Variants in MAN1A2 observed in about 807,000 individuals in gnomAD.
The protein encoded by MAN1A2 is mannosyl-oligosaccharide 1,2-alpha-mannosidase IB.
A neutral mutation model predicts 75.7 loss-of-function variants in MAN1A2; 26 were observed. That is an observed-to-expected ratio of 0.34 (90% confidence interval 0.25 to 0.48). The LOEUF (loss-of-function observed/expected upper bound fraction) is 0.48. MAN1A2 is among the 20% of genes least tolerant of loss of function. The pLI is 0.99. For synonymous variants in MAN1A2, 247 were observed against 264.6 expected (o/e 0.93, Z 0.65); for missense variants, 562 against 775.5 (o/e 0.72, Z 3.27).
At chr1:117,438,121 A>G (rs1048107355) in intron 5 of MAN1A2, among the ~76,000 whole-genome samples, 1 of 152,228 alleles carries the variant, frequency 6.6e-6, no homozygotes, top group African/African-American at 2.4e-5. Flanking sequence ...TCAGTCAACA[A>G]TGGATATGTT....
intron 6 of MAN1A2, among the ~76,000 whole-genome samples, chr1:117,452,359 A>G (rs919713808): frequency 6.6e-6 from 1 of 152,148 alleles, no homozygotes; most frequent in Admixed American, 6.6e-5. Context: ...AGGCATGTGA[A>G]GTAATTAAGC....
intron 1 of MAN1A2, among the ~76,000 whole-genome samples, chr1:117,396,002 C>G (rs993979992): frequency 6.6e-6 from 1 of 152,214 alleles, no homozygotes; most frequent in Non-Finnish European, 1.5e-5. Context: ...ACATGTTCTT[C>G]CAGCACCAAT....
chr1:117,429,258 G>A (rs899038981), intron 5 of MAN1A2, among the ~76,000 whole-genome samples: 22 of 141,500 alleles, frequency 1.6e-4, no homozygotes, highest in Non-Finnish European at 2.7e-4. Flanking sequence ...CACCTTTCCC[G>A]CCTTTCTATT....
chr1:117,446,669 AT>A (rs1375855849), intron 6 of MAN1A2, among the ~76,000 whole-genome samples: 1 of 151,696 alleles, frequency 6.6e-6, no homozygotes, highest in East Asian at 1.9e-4. Context: ...ATCCTTTCAA[AT>A]TTATTACAAC....
At chr1:117,443,832 A>G (rs1458566766) in intron 6 of MAN1A2, among the ~76,000 whole-genome samples, 1 of 152,038 alleles carries the variant, frequency 6.6e-6, no homozygotes, top group African/African-American at 2.4e-5. Context: ...CGGATCTCGA[A>G]TTCCTAGGCT....
At chr1:117,400,378 A>G (rs1647382390) in intron 1 of MAN1A2, among the ~76,000 whole-genome samples, 1 of 149,470 alleles carries the variant, frequency 6.7e-6, no homozygotes, top group Non-Finnish European at 1.5e-5. Flanking sequence ...ATAATATTAG[A>G]TTGTGAATTT....
chr1:117,465,024 T>G (rs1042801281), intron 7 of MAN1A2, among the ~76,000 whole-genome samples: 1 of 151,940 alleles, frequency 6.6e-6, no homozygotes, highest in African/African-American at 2.4e-5. Context: ...AGAGAAAACA[T>G]AGTAAAGCCT....
chr1:117,488,574 G>T (rs1485236321), intron 8 of MAN1A2, among the ~76,000 whole-genome samples: 1 of 152,024 alleles, frequency 6.6e-6, no homozygotes, highest in Non-Finnish European at 1.5e-5. Context: ...AAAAAATGGT[G>T]TCATTAGGTA....
intron 1 of MAN1A2, among the ~76,000 whole-genome samples, chr1:117,394,104 T>C (rs1653829492): frequency 6.6e-6 from 1 of 151,072 alleles, no homozygotes; most frequent in Admixed American, 6.6e-5. Flanking sequence ...TTTTTTGAGA[T>C]GGAGTCTTGC....
At chr1:117,460,684 A>T in intron 7 of MAN1A2, 72 bp downstream of exon 7, 38 of 1,483,198 alleles carry the variant, frequency 2.6e-5, no homozygotes, top group Non-Finnish European at 3.4e-5. Context: ...GATTTGATTA[A>T]TGCTTAAAAG....
At chr1:117,444,766 C>G (rs1328906700) in intron 6 of MAN1A2, among the ~76,000 whole-genome samples, 1 of 151,872 alleles carries the variant, frequency 6.6e-6, no homozygotes, top group Non-Finnish European at 1.5e-5. Flanking sequence ...ATTAATTCTC[C>G]TCTCTCTACT....
chr1:117,455,965 T>A (rs1293694700), intron 6 of MAN1A2, among the ~76,000 whole-genome samples: 1 of 152,014 alleles, frequency 6.6e-6, no homozygotes, highest in Non-Finnish European at 1.5e-5. Flanking sequence ...ACTTAAAAAA[T>A]TTTTAAAGCA....
At chr1:117,493,054 T>A in intron 8 of MAN1A2, 93 bp from the exon 9 acceptor site, 1 of 693,092 alleles carries the variant, frequency 1.4e-6, no homozygotes, top group Non-Finnish European at 2.6e-6. Flanking sequence ...ATTATTGACC[T>A]CTAACATAGT....
rs540454680 is a variant in MAN1A2 at position 117,394,557 on chromosome 1, CTCTTTTTCTCCATTCACTTTCTTCT to C, written c.303-7625_303-7601del. On this transcript the variant is annotated intron_variant, in intron 1 of 12. Transcript: ENST00000356554. ...TATCTTTTATTAGGTTGAAGAAGTT[CTCTTTTTCTCCATTCACTTTCTTCT>C]TCTGTTTCTACTGAATGAGTGTAAG... 1.8e-4 allele frequency among the ~76,000 whole-genome samples: 28 copies of C among 152,290 alleles called. No homozygotes were observed. In the South Asian group the frequency reaches 5.8e-3, roughly 32 times the overall value.
At chr1:117,468,986 A>G (rs1011700716) in intron 8 of MAN1A2, among the ~76,000 whole-genome samples, 1 of 152,172 alleles carries the variant, frequency 6.6e-6, no homozygotes, top group East Asian at 1.9e-4. Flanking sequence ...CCCATTTTCC[A>G]TGCCAGTATA....
chr1:117,386,936 CTG>C (rs1405271271), intron 1 of MAN1A2, among the ~76,000 whole-genome samples: 1 of 151,842 alleles, frequency 6.6e-6, no homozygotes, highest in African/African-American at 2.4e-5. Flanking sequence ...CAAACAAAAA[CTG>C]TGAAAAGGTG....
chr1:117,493,890 A>G (rs1650965680), intron 9 of MAN1A2: 1 of 152,114 alleles, frequency 6.6e-6, no homozygotes, highest in Non-Finnish European at 1.5e-5. Flanking sequence ...GACTTTATAT[A>G]CATTTTCATA....
chr1:117,489,868 G>C (rs375886686), intron 8 of MAN1A2, among the ~76,000 whole-genome samples: 1 of 151,222 alleles, frequency 6.6e-6, no homozygotes, highest in Non-Finnish European at 1.5e-5. Flanking sequence ...TGAATAATCT[G>C]TCTTTTCCTC....
chr1:117,416,650 G>A (rs1207231868), intron 4 of MAN1A2, among the ~76,000 whole-genome samples: 1 of 152,170 alleles, frequency 6.6e-6, no homozygotes, highest in Admixed American at 6.6e-5. Flanking sequence ...AAGGCAAAAA[G>A]AGAGCATTGT....
Sources: allele counts gnomAD v4.1 joint callset (sites outside exome capture counted in the v4.1 genomes callset), GRCh38; gene constraint gnomAD v4.1.1; transcripts MANE v1.5; gene names NCBI Gene and HGNC (gene_info 2026-07-23, HGNC 2026-07-21).